ANO1: variants seen among roughly 807,000 people sequenced by gnomAD.
ANO1 encodes the protein anoctamin-1.
Under a neutral mutation model 124.0 loss-of-function variants are expected in ANO1, and 59 were observed. The observed-to-expected ratio is 0.48, with a 90% CI of 0.39 to 0.59. The LOEUF is 0.59. ANO1 is among the 20% of genes least tolerant of loss of function. The pLI is 0.00. For synonymous variants in ANO1, 529 were observed against 532.0 expected, an observed-to-expected ratio of 0.99 and a Z score of 0.08; for missense variants, 1,059 against 1,328.0, an observed-to-expected ratio of 0.80 and a Z score of 3.15.
At chr11:70,087,717 C>T (rs778406779) in intron 1 of ANO1, 35 bp from the exon 2 acceptor site, 9 of 1,536,330 alleles carry the variant, frequency 5.9e-6, no homozygotes, top group African/African-American at 2.7e-5. Flanking sequence ...ACGAGCAGCT[C>T]GATGGTGAAT....
Position 70,087,834 on chromosome 11 carries a change from A to G in ANO1, c.191A>G (p.Tyr64Cys), listed in dbSNP as rs1432630276. Reference sequence around the variant, plus strand: ...AGGGACGGCCGGCGCAAGGTGGACTACATCCTGGTGTACCATCACAAGAGG... The same window carrying G: ...AGGGACGGCCGGCGCAAGGTGGACTGCATCCTGGTGTACCATCACAAGAGG... ...YFRDGRRKVD[Y>C]ILVYHHKRPS... is the part of the protein sequence containing the mutation. Residue 64 changes from tyrosine (Y) to cysteine (C), a missense_variant, in exon 2 of 26, where the codon TAC becomes TGC. Tyr to Cys is a radical substitution (Grantham distance 194). Around this residue, in one of 2 missense-constraint regions of ANO1, gnomAD observed 250 missense variants for 233.1 expected, o/e 1.07. Coordinates refer to ENST00000355303, the MANE Select transcript of ANO1 (RefSeq NM_018043.7). 1 of 1,613,106 alleles carries G rather than the reference A, an allele frequency of 6.2e-7. No homozygotes were observed. The highest frequency in any genetic ancestry group is 1.7e-5 in the Admixed American group (1 of 59,986).
At chr11:70,092,333 G>A (rs1187212433) in intron 2 of ANO1, among the ~76,000 whole-genome samples, 1 of 152,216 alleles carries the variant, frequency 6.6e-6, no homozygotes, top group Non-Finnish European at 1.5e-5. Context: ...ACATATCTTT[G>A]TAGGGGACAC....
intron 1 of ANO1, among the ~76,000 whole-genome samples, chr11:70,049,877 C>T (rs1171478849): frequency 4.6e-5 from 7 of 152,156 alleles, no homozygotes; most frequent in Non-Finnish European, 1.0e-4. Flanking sequence ...CCCACCACCA[C>T]GCCTGGCTAA....
chr11:70,156,987 C>T lies in ANO1; in HGVS notation c.1544C>T (p.Ala515Val). The change falls in exon 16 of 26, where the codon GCC becomes GTC. Residue 515 changes from alanine to valine, a missense_variant. Ala to Val is a moderately conservative substitution (Grantham distance 64). Transcript: ENST00000355303. ...VKLTWRDRFPAYLTNLVSIIF... is the reference protein window; with the variant it reads ...VKLTWRDRFPVYLTNLVSIIF... Reference sequence around the variant, plus strand: ...CTGACATGGAGAGATCGGTTCCCAGCCTACCTCACTAACTTGGTCTCCATC... The same window carrying T: ...CTGACATGGAGAGATCGGTTCCCAGTCTACCTCACTAACTTGGTCTCCATC... The T allele has an allele frequency of 6.2e-7, 1 of 1,613,612 alleles. No individual in the cohort carries two copies. The highest frequency in any genetic ancestry group is 8.5e-7 in the Non-Finnish European group (1 of 1,179,778).
chr11:70,093,055 C>G (rs573090515), intron 2 of ANO1, among the ~76,000 whole-genome samples: 3 of 151,564 alleles, frequency 2.0e-5, no homozygotes, highest in Admixed American at 2.0e-4. Context: ...ACCTCTTATT[C>G]ACCTCTACCT....
chr11:70,100,537 G>A (rs902466435), intron 2 of ANO1, among the ~76,000 whole-genome samples: 2 of 152,296 alleles, frequency 1.3e-5, no homozygotes, highest in Non-Finnish European at 1.5e-5. Context: ...TAGGGCCTTC[G>A]GAGGGAGCAT....
chr11:69,970,238 C>T, the ANO1 span, among the ~76,000 whole-genome samples: 1 of 152,168 alleles, frequency 6.6e-6, no homozygotes, highest in Non-Finnish European at 1.5e-5. Flanking sequence ...ATCAGAAGCC[C>T]GAGCAGAACC....
intron 6 of ANO1, chr11:70,111,024 T>C (rs1223334366): frequency 2.4e-6 from 1 of 423,468 alleles, no homozygotes; most frequent in African/African-American, 2.0e-5. Flanking sequence ...ACTGGACGGC[T>C]GTGAGTCCGC....
At position 70,167,184 on chromosome 11, in the gene ANO1, C is replaced by G; in HGVS notation, c.2052-58C>G. On this transcript the variant is annotated intron_variant, in intron 20 of 25. Transcript: ENST00000355303. ...AAGACACATCACTAGAGGTGCCAGACCCAAGCCCCCAAATTCACCCTCCTG... is the reference window on the plus strand; with the variant it reads ...AAGACACATCACTAGAGGTGCCAGAGCCAAGCCCCCAAATTCACCCTCCTG... 9.4e-6 allele frequency: 15 copies of G among 1,592,738 alleles called. No individual in the cohort carries two copies. In the South Asian group the frequency reaches 1.6e-4, roughly 17 times the overall value.
intron 16 of ANO1, 65 bp from the exon 17 acceptor site, chr11:70,161,096 A>T: frequency 6.9e-7 from 1 of 1,447,056 alleles, no homozygotes; most frequent in Non-Finnish European, 9.4e-7. Flanking sequence ...GAGGGAGCAG[A>T]TGGGGCAGGC....
At chr11:70,107,961 G>T (rs1215687028) in intron 5 of ANO1, among the ~76,000 whole-genome samples, 1 of 152,216 alleles carries the variant, frequency 6.6e-6, no homozygotes, top group Non-Finnish European at 1.5e-5. Context: ...GAGTGGTGCT[G>T]TTCCAACTCA....
chr11:70,120,561 C>G (rs1193717433), intron 8 of ANO1, among the ~76,000 whole-genome samples: 1 of 152,262 alleles, frequency 6.6e-6, no homozygotes, highest in Admixed American at 6.5e-5. Flanking sequence ...CCCAACATGT[C>G]ATTCATCCAT....
At chr11:70,169,407 A>G (rs911884521) in intron 21 of ANO1, among the ~76,000 whole-genome samples, 4 of 152,086 alleles carry the variant, frequency 2.6e-5, no homozygotes, top group Non-Finnish European at 5.9e-5. Context: ...AGATGTGGAT[A>G]GATGGGGAGA....
chr11:70,060,873 T>C (rs1172197952), intron 1 of ANO1, among the ~76,000 whole-genome samples: 1 of 152,042 alleles, frequency 6.6e-6, no homozygotes, highest in Non-Finnish European at 1.5e-5. Flanking sequence ...CAGGGAGTGC[T>C]AGTGTGGGAG....
At chr11:70,140,630 C>A (rs1405254059) in intron 11 of ANO1, among the ~76,000 whole-genome samples, 2 of 152,038 alleles carry the variant, frequency 1.3e-5, no homozygotes, top group East Asian at 1.9e-4. Flanking sequence ...GAGGACCGTG[C>A]CTACCCTAGG....
chr11:70,053,215 C>T (rs968817823), intron 1 of ANO1, among the ~76,000 whole-genome samples: 5 of 152,064 alleles, frequency 3.3e-5, no homozygotes, highest in Non-Finnish European at 5.9e-5. Flanking sequence ...CAAAATCATG[C>T]TTTTGGGGAT....
chr11:70,057,098 C>A (rs1857453840), intron 1 of ANO1, among the ~76,000 whole-genome samples: 1 of 151,920 alleles, frequency 6.6e-6, no homozygotes, highest in Non-Finnish European at 1.5e-5. Flanking sequence ...TTTCTATTGC[C>A]CTTTGGTTTT....
chr11:70,170,009 G>GC (rs1361189915), intron 21 of ANO1: 6 of 373,102 alleles, frequency 1.6e-5, no homozygotes, highest in Admixed American at 3.4e-5. Context: ...AGCATCCAAA[G>GC]CCAGAGAAGC....
At chr11:70,063,376 A>G (rs1478401378) in intron 1 of ANO1, among the ~76,000 whole-genome samples, 2 of 152,190 alleles carry the variant, frequency 1.3e-5, no homozygotes, top group Admixed American at 1.3e-4. Context: ...ATCCCCTGAC[A>G]GTGGTCTGGA....
Sources: allele counts gnomAD v4.1 joint callset (sites outside exome capture counted in the v4.1 genomes callset), GRCh38; gene constraint gnomAD v4.1.1; regional missense constraint gnomAD v4.1.1; transcripts MANE v1.5; gene names NCBI Gene and HGNC (gene_info 2026-07-23, HGNC 2026-07-21).